The following SPOCK3 variants were observed in gnomAD, a reference collection of about 807,000 sequenced individuals.
The protein encoded by SPOCK3 is testican-3.
A neutral mutation model predicts 56.6 loss-of-function variants in SPOCK3; 30 were observed. The ratio of observed to expected loss-of-function variants is 0.53; its 90% CI spans 0.40 to 0.72. The LOEUF (loss-of-function observed/expected upper bound fraction) is 0.72. SPOCK3 is among the 30% of genes least tolerant of loss of function. The probability of loss-of-function intolerance (pLI) is 0.00; values close to 1 mark genes in which losing one functional copy is unlikely to be tolerated. For synonymous variants in SPOCK3, 196 were observed against 183.3 expected, an observed-to-expected ratio of 1.07 and a Z score of -0.56; for missense variants, 527 against 530.0, an observed-to-expected ratio of 0.99 and a Z score of 0.06.
At chr4:166,950,197 T>C (rs369676968) in intron 4 of SPOCK3, among the ~76,000 whole-genome samples, 7 of 151,764 alleles carry the variant, frequency 4.6e-5, no homozygotes, top group East Asian at 1.9e-4. Context: ...ACCCATCTCA[T>C]GTGCAGAGAC....
intron 8 of SPOCK3, 48 bp from the exon 9 acceptor site, chr4:166,742,107 G>T (rs954183551): frequency 6.6e-6 from 9 of 1,368,700 alleles, no homozygotes; most frequent in Non-Finnish European, 8.3e-6. Flanking sequence ...GTTAAACAAA[G>T]AAAGTGTAAT....
intron 9 of SPOCK3, 61 bp from the exon 10 acceptor site, chr4:166,737,665 C>G (rs1301356177): frequency 1.3e-6 from 2 of 1,527,252 alleles, no homozygotes; most frequent in Non-Finnish European, 1.8e-6. Flanking sequence ...AAGCTGTGCT[C>G]CTTTCTGAGA....
intron 4 of SPOCK3, among the ~76,000 whole-genome samples, chr4:166,949,158 T>C (rs1355651639): frequency 2.0e-5 from 3 of 152,242 alleles, no homozygotes; most frequent in African/African-American, 7.2e-5. Context: ...TTCTGCATTC[T>C]ACACGTAGTT....
chr4:167,168,636 C>T (rs1730901179), intron 2 of SPOCK3, among the ~76,000 whole-genome samples: 1 of 152,072 alleles, frequency 6.6e-6, no homozygotes, highest in African/African-American at 2.4e-5. Flanking sequence ...GCAGGGCATA[C>T]AAGTTTGGAA....
At chr4:166,964,266 C>T (rs1044969494) in intron 4 of SPOCK3, among the ~76,000 whole-genome samples, 1 of 151,784 alleles carries the variant, frequency 6.6e-6, no homozygotes, top group East Asian at 1.9e-4. Context: ...TTCATTATTG[C>T]ATATGTTCTG....
chr4:167,005,974 C>A (rs1041237506), intron 3 of SPOCK3, among the ~76,000 whole-genome samples: 1 of 152,012 alleles, frequency 6.6e-6, no homozygotes, highest in Non-Finnish European at 1.5e-5. Flanking sequence ...ATATGATACA[C>A]AAATCATATT....
At chr4:166,900,683 A>G (rs12649412) in intron 5 of SPOCK3, among the ~76,000 whole-genome samples, 4,413 of 152,272 alleles carry the variant, frequency 0.029, 183 homozygotes, top group African/African-American at 0.09. Flanking sequence ...ATAGTAGTAT[A>G]TGCAGGCCAT....
intron 2 of SPOCK3, among the ~76,000 whole-genome samples, chr4:167,178,573 G>C (rs1335738424): frequency 6.6e-6 from 1 of 151,966 alleles, no homozygotes; most frequent in Non-Finnish European, 1.5e-5. Context: ...TATGCTCTTT[G>C]TTTGACCAAC....
At chr4:166,900,520 T>C (rs566709326) in intron 5 of SPOCK3, among the ~76,000 whole-genome samples, 1 of 152,254 alleles carries the variant, frequency 6.6e-6, no homozygotes, top group East Asian at 1.9e-4. Flanking sequence ...AGGCTATATA[T>C]ACCTATTTTA....
At chr4:166,830,613 A>G (rs1745933583) in intron 6 of SPOCK3, among the ~76,000 whole-genome samples, 1 of 152,104 alleles carries the variant, frequency 6.6e-6, no homozygotes, top group Non-Finnish European at 1.5e-5. Context: ...ATATGCCTGT[A>G]ATCCTAGATA....
intron 6 of SPOCK3, among the ~76,000 whole-genome samples, chr4:166,820,507 G>T (rs1290350169): frequency 1.3e-5 from 2 of 151,550 alleles, no homozygotes; most frequent in African/African-American, 2.4e-5. Context: ...TTTTTACAAA[G>T]ATGCCAACTC....
At chr4:166,773,042 T>G (rs1242666286) in intron 7 of SPOCK3, among the ~76,000 whole-genome samples, 1 of 152,184 alleles carries the variant, frequency 6.6e-6, no homozygotes, top group Non-Finnish European at 1.5e-5. Flanking sequence ...TTTGCCTGCT[T>G]TGTCCTGCCA....
At chr4:166,737,405 A>C in intron 10 of SPOCK3, 62 bp downstream of exon 10, 2 of 1,513,750 alleles carry the variant, frequency 1.3e-6, no homozygotes, top group Non-Finnish European at 1.8e-6. Context: ...CAAATGAATG[A>C]GGCTCTAAAG....
rs565083067 is a variant in SPOCK3 at position 166,948,201 on chromosome 4, A to G, written c.351-35458T>C. On this transcript the variant is annotated intron_variant, in intron 4 of 10. Coordinates refer to ENST00000357545, the MANE Select transcript of SPOCK3 (RefSeq NM_001040159.2). ...TATTGCAAATGACAGGACGTTTTTA[A>G]TGGTCGAATAGTATTCCATTGTGCA... Among the ~76,000 whole-genome samples, 4 of 152,240 alleles carry G rather than the reference A, an allele frequency of 2.6e-5. No homozygotes were observed. The South Asian group carries it at 6.2e-4, about 24-fold the overall frequency.
chr4:166,866,255 C>T (rs1313054794), intron 6 of SPOCK3, among the ~76,000 whole-genome samples: 4 of 152,106 alleles, frequency 2.6e-5, no homozygotes, highest in Non-Finnish European at 2.9e-5. Context: ...TGGACCTCTT[C>T]CTCACACCTT....
rs148799122 is a variant in SPOCK3, at chr4:166,807,683, A to G, written c.590-15394T>C. ...GCCAATGCTGAAGTTTGAATAGGAC[A>G]CATACTATAAAAAAGAAACCAAAAT... On this transcript the variant is annotated intron_variant, in intron 6 of 10. Transcript: ENST00000357545. Among the ~76,000 whole-genome samples the G allele has an allele frequency of 3.7e-4, 56 of 152,222 alleles. No homozygotes were observed. The East Asian group carries it at 0.011, about 30-fold the overall frequency.
chr4:167,210,643 G>T (rs1440829188), intron 2 of SPOCK3, among the ~76,000 whole-genome samples: 1 of 152,054 alleles, frequency 6.6e-6, no homozygotes, highest in African/African-American at 2.4e-5. Context: ...GTTTGTTTTT[G>T]AAATGATATA....
rs75384912 is a variant in SPOCK3, at chr4:167,072,057, A to G, written c.190-9520T>C. Among the ~76,000 whole-genome samples the G allele has an allele frequency of 5.5e-4, 83 of 152,180 alleles. 1 individual carries two copies. In the East Asian group the frequency reaches 0.016, roughly 29 times the overall value. ...ATTTATTACTCACTCACCCTGTACCAGGAACTGTTCTGAACACTTTACTCT... is the reference window on the plus strand; with the variant it reads ...ATTTATTACTCACTCACCCTGTACCGGGAACTGTTCTGAACACTTTACTCT... On this transcript the variant is annotated intron_variant, in intron 2 of 10. Coordinates refer to ENST00000357545, the MANE Select transcript of SPOCK3 (RefSeq NM_001040159.2).
At chr4:166,794,939 G>T (rs1038715037) in intron 6 of SPOCK3, among the ~76,000 whole-genome samples, 1 of 152,092 alleles carries the variant, frequency 6.6e-6, no homozygotes, top group African/African-American at 2.4e-5. Flanking sequence ...CACCGCGCCG[G>T]CCCGTTTCTT....
Sources: allele counts gnomAD v4.1 joint callset (sites outside exome capture counted in the v4.1 genomes callset), GRCh38; gene constraint gnomAD v4.1.1; transcripts MANE v1.5; gene names NCBI Gene and HGNC (gene_info 2026-07-23, HGNC 2026-07-21).